The following ENTPD1 variants were observed in gnomAD, a reference collection of about 807,000 sequenced individuals.
ENTPD1 encodes the protein ATP diphosphohydrolase.
A neutral mutation model predicts 57.0 loss-of-function variants in ENTPD1; 33 were observed. That is an observed-to-expected ratio of 0.58 (90% confidence interval 0.44 to 0.77). The LOEUF (loss-of-function observed/expected upper bound fraction) is 0.77, where lower values mean the gene tolerates loss of function less well. Among genes scored for constraint, ENTPD1 ranks in the 30% least tolerant of loss-of-function variants. The probability of loss-of-function intolerance (pLI) is 0.00; values close to 1 mark genes in which losing one functional copy is unlikely to be tolerated. For synonymous variants in ENTPD1, 202 were observed against 218.8 expected (o/e 0.92, Z 0.68); for missense variants, 501 against 603.4 (o/e 0.83, Z 1.78).
At chr10:95,763,333 G>T (rs970582243) in intron 1 of ENTPD1, among the ~76,000 whole-genome samples, 7 of 152,102 alleles carry the variant, frequency 4.6e-5, no homozygotes, top group African/African-American at 1.7e-4. Flanking sequence ...ATTCTCTGTA[G>T]CCCAGAATAT....
intron 1 of ENTPD1, among the ~76,000 whole-genome samples, chr10:95,784,007 A>AT (rs916689350): frequency 5.3e-5 from 8 of 150,526 alleles, no homozygotes; most frequent in African/African-American, 2.0e-4. Flanking sequence ...GTTCCTAGTC[A>AT]TTTTTTTTCT....
At chr10:95,700,602 C>G in the ENTPD1 span, among the ~76,000 whole-genome samples, 1 of 151,968 alleles carries the variant, frequency 6.6e-6, no homozygotes, top group Non-Finnish European at 1.5e-5. Context: ...TTGGGAAGAT[C>G]GCTTGCACCC....
intron 1 of ENTPD1, among the ~76,000 whole-genome samples, chr10:95,799,766 C>G (rs1031019469): frequency 1.3e-5 from 2 of 152,102 alleles, no homozygotes; most frequent in African/African-American, 4.8e-5. Context: ...TGTGTATAAG[C>G]GTTCTTTTTT....
At chr10:95,798,413 AG>A (rs2098235407) in intron 1 of ENTPD1, among the ~76,000 whole-genome samples, 1 of 152,190 alleles carries the variant, frequency 6.6e-6, no homozygotes, top group Admixed American at 6.5e-5. Context: ...GGAATGCTGG[AG>A]GGAGAGAACT....
chr10:95,700,485 G>T, the ENTPD1 span, among the ~76,000 whole-genome samples: 2 of 152,108 alleles, frequency 1.3e-5, no homozygotes, highest in Non-Finnish European at 2.9e-5. Flanking sequence ...CCAGGAGTTT[G>T]AGACCAACCT....
At chr10:95,858,242 G>A (rs554234558) in intron 7 of ENTPD1, among the ~76,000 whole-genome samples, 2 of 152,258 alleles carry the variant, frequency 1.3e-5, no homozygotes, top group South Asian at 4.1e-4. Context: ...CCCCTCTAAG[G>A]AGGGGAAGTG....
intron 1 of ENTPD1, among the ~76,000 whole-genome samples, chr10:95,720,613 G>T (rs968784977): frequency 1.3e-5 from 2 of 152,180 alleles, no homozygotes; most frequent in Non-Finnish European, 2.9e-5. Context: ...GGGGCTCTGT[G>T]AGGGTGATGG....
At chr10:95,723,636 T>C (rs1030034691) in intron 1 of ENTPD1, among the ~76,000 whole-genome samples, 4 of 152,068 alleles carry the variant, frequency 2.6e-5, no homozygotes, top group African/African-American at 9.7e-5. Context: ...AAGAAAGTCG[T>C]GGTTGGGACC....
At chr10:95,851,804 C>A (rs1272931151) in intron 7 of ENTPD1, among the ~76,000 whole-genome samples, 2 of 152,020 alleles carry the variant, frequency 1.3e-5, no homozygotes, top group Non-Finnish European at 2.9e-5. Flanking sequence ...GTATATGTGC[C>A]ACATTTTCTT....
In ENTPD1 at chr10:95,829,601, G is replaced by T. The variant is rs527347744; in HGVS notation, c.144+6237G>T. ...ACCTCCTGATTTTTGTGGAGGTGAG[G>T]GTTCTTCGTACAAATAATTTCAATA... is the stretch of plus-strand genomic sequence containing the variant. On this transcript the variant is annotated intron_variant, in intron 2 of 9. Transcript: ENST00000371205. 9.9e-5 allele frequency among the ~76,000 whole-genome samples: 15 copies of T among 152,278 alleles called. No homozygotes were observed. The East Asian group carries it at 2.9e-3, about 29-fold the overall frequency.
At chr10:95,801,887 G>A (rs1192051837) in intron 1 of ENTPD1, among the ~76,000 whole-genome samples, 1 of 152,206 alleles carries the variant, frequency 6.6e-6, no homozygotes, top group Non-Finnish European at 1.5e-5. Context: ...TAGTTTAATA[G>A]GAATAGCATT....
chr10:95,866,667 T>G lies in ENTPD1; in HGVS notation c.*284T>G, dbSNP rs1003296151. ...GGTTTTAAAGACCTGACACCTTTCA[T>G]AATCTTTGCTTTATAAAAGAACAAT... is the stretch of plus-strand genomic sequence containing the variant. On this transcript the variant is annotated 3_prime_UTR_variant, in exon 10 of 10. Transcript: ENST00000371205. The G allele has an allele frequency of 7.9e-7, 1 of 1,258,990 alleles. No homozygotes were observed. Among genetic ancestry groups the G allele is most frequent in the Non-Finnish European group, 1.0e-6 (1 of 990,130 alleles). 78.0% of individuals were successfully genotyped at this position (1,258,990 alleles called of 1,614,324 possible).
intron 8 of ENTPD1, 105 bp from the exon 9 acceptor site, chr10:95,864,619 G>A (rs114801769): frequency 2.5e-5 from 38 of 1,508,748 alleles, no homozygotes; most frequent in Non-Finnish European, 3.4e-5. Flanking sequence ...CAGGTGCACT[G>A]GAGCTGGGGC....
the ENTPD1 span, among the ~76,000 whole-genome samples, chr10:95,694,895 A>ATTTTTTT: frequency 4.1e-5 from 4 of 98,744 alleles, no homozygotes; most frequent in Non-Finnish European, 7.8e-5. Context: ...TGAGGAGCTG[A>ATTTTTTT]TTTTTTTTTT....
intron 1 of ENTPD1, among the ~76,000 whole-genome samples, chr10:95,799,822 T>C (rs1461545445): frequency 6.6e-6 from 1 of 152,242 alleles, no homozygotes; most frequent in Non-Finnish European, 1.5e-5. Flanking sequence ...TTTTTAATGA[T>C]AGCCATTCTG....
intron 1 of ENTPD1, among the ~76,000 whole-genome samples, chr10:95,776,661 G>A (rs533472088): frequency 5.1e-4 from 77 of 152,082 alleles, no homozygotes; most frequent in Admixed American, 1.6e-3. Context: ...CTGTGTTTCC[G>A]GAATTTGAAT....
intron 1 of ENTPD1, among the ~76,000 whole-genome samples, chr10:95,815,578 G>A (rs2098327216): frequency 6.6e-6 from 1 of 152,202 alleles, no homozygotes; most frequent in South Asian, 2.1e-4. Context: ...ATGAGCCTCA[G>A]TCATGTATTG....
At chr10:95,740,466 G>A (rs775610922) in intron 1 of ENTPD1, among the ~76,000 whole-genome samples, 5 of 152,166 alleles carry the variant, frequency 3.3e-5, no homozygotes, top group Admixed American at 2.6e-4. Context: ...TTTCAGAATG[G>A]TCAATTAACA....
rs1247329815 is a variant in ENTPD1, at chr10:95,877,072, C to T, written c.*10689C>T. 6.6e-6 allele frequency among the ~76,000 whole-genome samples: 1 copy of T among 152,154 alleles called. No homozygotes were observed. The highest frequency in any genetic ancestry group is 2.4e-5 in the African/African-American group (1 of 41,434). On this transcript the variant is annotated 3_prime_UTR_variant, in exon 10 of 10. Transcript: ENST00000371205. ...ACCAGAACCACAGCAGCTCTATTTG[C>T]CTATTCCTCTTTAAATTACAAAGTT...
Sources: gnomAD v4.1 joint callset for allele counts (sites outside exome capture counted in the v4.1 genomes callset) on GRCh38, gnomAD v4.1.1 for gene constraint, MANE v1.5 for transcripts, NCBI Gene and HGNC (gene_info 2026-07-23, HGNC 2026-07-21) for gene names.